APBB2: variants seen among roughly 807,000 people sequenced by gnomAD.
The protein encoded by APBB2 is amyloid beta precursor protein binding family B member 2, also known as Fe65-like 1.
Under a neutral mutation model 82.5 loss-of-function variants are expected in APBB2, and 38 were observed. The ratio of observed to expected loss-of-function variants is 0.46; its 90% CI spans 0.36 to 0.60. APBB2 has a LOEUF of 0.60. Ranked by LOEUF, APBB2 falls within the 20% of genes least tolerant of loss-of-function variation. APBB2 has a pLI of 0.00. For synonymous variants in APBB2, 341 were observed against 368.2 expected (o/e 0.93, Z 0.85); for missense variants, 772 against 972.3 (o/e 0.79, Z 2.74).
chr4:41,093,959 TG>T (rs1483060412), intron 3 of APBB2, among the ~76,000 whole-genome samples: 1 of 152,120 alleles, frequency 6.6e-6, no homozygotes. Context: ...ACTGTCACTT[TG>T]TTGTCTAAAT....
intron 1 of APBB2, among the ~76,000 whole-genome samples, chr4:41,196,930 C>T: frequency 6.6e-6 from 1 of 151,594 alleles, no homozygotes; most frequent in African/African-American, 2.4e-5. Flanking sequence ...GGCGGCACCA[C>T]CACGGAGGGT....
chr4:40,839,672 T>C (rs2154311573), intron 12 of APBB2, among the ~76,000 whole-genome samples: 1 of 148,674 alleles, frequency 6.7e-6, no homozygotes, highest in Middle Eastern at 3.5e-3. Context: ...TCTTTTTTCT[T>C]TTTTTTTTTT....
intron 2 of APBB2, among the ~76,000 whole-genome samples, chr4:41,141,117 G>C (rs1375311716): frequency 6.6e-6 from 1 of 152,100 alleles, no homozygotes; most frequent in South Asian, 2.1e-4. Context: ...CCTACACCAT[G>C]AGCCCCTAAA....
At chr4:41,132,944 T>C (rs1238518004) in intron 2 of APBB2, among the ~76,000 whole-genome samples, 1 of 151,802 alleles carries the variant, frequency 6.6e-6, no homozygotes, top group Non-Finnish European at 1.5e-5. Flanking sequence ...GAAAGAAAAA[T>C]AAGTGAACAT....
chr4:40,926,963 G>A (rs1271482641), intron 10 of APBB2, among the ~76,000 whole-genome samples: 1 of 152,232 alleles, frequency 6.6e-6, no homozygotes, highest in African/African-American at 2.4e-5. Context: ...TGAGTGTTCA[G>A]GAAAGAAGAG....
At chr4:40,909,704 G>A (rs953813186) in intron 10 of APBB2, among the ~76,000 whole-genome samples, 4 of 152,158 alleles carry the variant, frequency 2.6e-5, no homozygotes, top group Non-Finnish European at 5.9e-5. Flanking sequence ...TATCTCATTA[G>A]ACATATGTAA....
intron 1 of APBB2, among the ~76,000 whole-genome samples, chr4:41,144,416 T>C (rs1760115615): frequency 6.6e-6 from 1 of 152,230 alleles, no homozygotes; most frequent in Non-Finnish European, 1.5e-5. Flanking sequence ...AACAGCACTT[T>C]TGGGTTATGG....
chr4:40,922,461 A>G (rs566356475), intron 10 of APBB2, among the ~76,000 whole-genome samples: 1 of 152,234 alleles, frequency 6.6e-6, no homozygotes, highest in Non-Finnish European at 1.5e-5. Flanking sequence ...TGATTTTCTT[A>G]TAAGCACGAG....
Position 41,014,321 on chromosome 4 carries a change from C to G in APBB2, c.97G>C (p.Ala33Pro), listed in dbSNP as rs780522544. 1 of 1,614,100 alleles carries G rather than the reference C, an allele frequency of 6.2e-7. No individual in the cohort carries two copies. Among genetic ancestry groups the G allele is most frequent in the Non-Finnish European group, 8.5e-7 (1 of 1,180,020 alleles). ...TTDVTNRNSP[A>P]TPPNTLNLRS... is the part of the protein sequence containing the mutation. Reference sequence around the variant, plus strand: ...AGGTTAAGGGTGTTTGGTGGTGTGGCTGGGCTGTTCCGATTTGTGACGTCT... The same window carrying G: ...AGGTTAAGGGTGTTTGGTGGTGTGGGTGGGCTGTTCCGATTTGTGACGTCT... Residue 33 changes from alanine (A) to proline (P), a missense_variant, in exon 6 of 18, where the codon GCC becomes CCC. Physicochemically the swap from Ala to Pro is conservative, Grantham distance 27. Coordinates refer to ENST00000508593, the MANE Select transcript of APBB2 (RefSeq NM_004307.2).
intron 12 of APBB2, among the ~76,000 whole-genome samples, chr4:40,841,780 G>A (rs1009993193): frequency 1.3e-5 from 2 of 152,160 alleles, no homozygotes; most frequent in African/African-American, 4.8e-5. Context: ...CCAGGTTCAA[G>A]TGGTTCTCCT....
At chr4:41,073,444 T>C (rs1471781679) in intron 3 of APBB2, among the ~76,000 whole-genome samples, 1 of 152,242 alleles carries the variant, frequency 6.6e-6, no homozygotes, top group African/African-American at 2.4e-5. Flanking sequence ...TTCACATATA[T>C]TACCTTATTT....
intron 3 of APBB2, among the ~76,000 whole-genome samples, chr4:41,085,204 T>C (rs1263806879): frequency 2.7e-5 from 4 of 149,488 alleles, no homozygotes; most frequent in African/African-American, 7.4e-5. Flanking sequence ...TGAGCCAAAA[T>C]TGCACCACTG....
chr4:41,023,355 G>A (rs1712540586), intron 5 of APBB2, among the ~76,000 whole-genome samples: 1 of 152,254 alleles, frequency 6.6e-6, no homozygotes, highest in Non-Finnish European at 1.5e-5. Flanking sequence ...ACGCCTTGAG[G>A]AAAGTGACTA....
At chr4:40,963,703 T>C (rs1307905769) in intron 6 of APBB2, among the ~76,000 whole-genome samples, 1 of 152,254 alleles carries the variant, frequency 6.6e-6, no homozygotes, top group Admixed American at 6.5e-5. Context: ...AAAGTCTTCC[T>C]CACTGCTGAC....
chr4:40,966,237 C>T (rs1377729047), intron 6 of APBB2, among the ~76,000 whole-genome samples: 1 of 152,166 alleles, frequency 6.6e-6, no homozygotes, highest in African/African-American at 2.4e-5. Flanking sequence ...TACTATTTTC[C>T]TCACACTCCT....
At chr4:41,176,543 A>G (rs1769834033) in intron 1 of APBB2, among the ~76,000 whole-genome samples, 1 of 152,118 alleles carries the variant, frequency 6.6e-6, no homozygotes. Context: ...TAATATATAA[A>G]AAGTCCCTTA....
At chr4:41,033,584 T>TCACACACACACACACA (rs71915197) in intron 4 of APBB2, among the ~76,000 whole-genome samples, 44 of 130,824 alleles carry the variant, frequency 3.4e-4, no homozygotes, top group East Asian at 8.7e-4. Context: ...CTTTTTCTCA[T>TCACACACACACACACA]CACACACACA....
chr4:41,096,743 C>G (rs1033657571), intron 3 of APBB2, among the ~76,000 whole-genome samples: 5 of 152,154 alleles, frequency 3.3e-5, no homozygotes, highest in Admixed American at 2.6e-4. Flanking sequence ...AGGTATAGGT[C>G]AATAAATATC....
intron 5 of APBB2, among the ~76,000 whole-genome samples, chr4:41,022,239 C>A (rs1711880202): frequency 6.6e-6 from 1 of 152,178 alleles, no homozygotes; most frequent in Non-Finnish European, 1.5e-5. Flanking sequence ...GCCCCACCCA[C>A]AAAAATACTT....
Sources: gnomAD v4.1 joint callset for allele counts (sites outside exome capture counted in the v4.1 genomes callset) on GRCh38, gnomAD v4.1.1 for gene constraint, MANE v1.5 for transcripts, NCBI Gene and HGNC (gene_info 2026-07-23, HGNC 2026-07-21) for gene names.